The following EIF2D variants were observed in gnomAD, a reference collection of about 807,000 sequenced individuals.
EIF2D encodes eukaryotic translation initiation factor 2D.
A neutral mutation model predicts 77.4 loss-of-function variants in EIF2D; 56 were observed. The observed-to-expected ratio is 0.72, with a 90% CI of 0.58 to 0.90. The LOEUF is 0.90. Among genes scored for constraint, EIF2D ranks in the 40% least tolerant of loss-of-function variants. The pLI is 0.00. For missense variants in EIF2D, 574 were observed against 706.5 expected (o/e 0.81, Z 2.13); for synonymous variants, 230 against 271.0 (o/e 0.85, Z 1.49).
rs1572420653 is a variant in EIF2D at position 206,612,229 on chromosome 1, C to G, written c.56+58G>C. On this transcript the variant is annotated intron_variant, in intron 1 of 14. Transcript: ENST00000271764. ...AAGAATAGCGAGGGCTATGGGCCAG[C>G]GGGGCCCAAGAGGTGTCTGGTTGTT... 2.5e-6 allele frequency: 4 copies of G among 1,602,816 alleles called. No homozygotes were observed. The East Asian group carries it at 6.7e-5, about 27-fold the overall frequency.
At chr1:206,596,612 C>A (rs1341684297) in intron 12 of EIF2D, among the ~76,000 whole-genome samples, 1 of 152,120 alleles carries the variant, frequency 6.6e-6, no homozygotes, top group Admixed American at 6.5e-5. Context: ...TTTTCCCCAG[C>A]CTTCTTTTGC....
Position 206,579,654 on chromosome 1 carries a change from C to A in EIF2D, c.*254+1038G>T, listed in dbSNP as rs1274724666. On this transcript the variant is annotated intron_variant and NMD_transcript_variant, in intron 4 of 5. Coordinates refer to the EIF2D transcript ENST00000472709. This position sits in a 1 kb window ranked among gnomAD's most constrained non-coding sequence, Gnocchi z 4.2. ...GAATGTTGCTGCGAATTAAAATCAACTAGGAGATTTTTAAAATTCCCATGC... is the reference window on the plus strand; with the variant it reads ...GAATGTTGCTGCGAATTAAAATCAAATAGGAGATTTTTAAAATTCCCATGC... Among the ~76,000 whole-genome samples, 1 of 151,382 alleles carries A rather than the reference C, an allele frequency of 6.6e-6. No individual in the cohort carries two copies. Among genetic ancestry groups the A allele is most frequent in the Non-Finnish European group, 1.5e-5 (1 of 68,034 alleles).
intron 3 of EIF2D, among the ~76,000 whole-genome samples, chr1:206,609,061 A>T (rs963012507): frequency 4.6e-5 from 7 of 152,132 alleles, no homozygotes; most frequent in African/African-American, 1.7e-4. Flanking sequence ...CAAAAAAAAA[A>T]AAATAAAAAA....
chr1:206,593,504 A>AGTGTGTGTGTGTGCGTGT (rs1476375070), intron 14 of EIF2D, 115 bp downstream of exon 14: 8 of 405,016 alleles, frequency 2.0e-5, no homozygotes, highest in African/African-American at 4.5e-5. Flanking sequence ...AGAGAGAGAG[A>AGTGTGTGTGTGTGCGTGT]GAGAGTGTGT....
chr1:206,578,216 A>C (rs1668727768), intron 4 of EIF2D, among the ~76,000 whole-genome samples: 1 of 113,354 alleles, frequency 8.8e-6, no homozygotes. Flanking sequence ...ACAGAGGGAG[A>C]CATCTCAAAA....
At chr1:206,576,231 G>A (rs972382222) in intron 4 of EIF2D, among the ~76,000 whole-genome samples, 1 of 152,228 alleles carries the variant, frequency 6.6e-6, no homozygotes, top group Non-Finnish European at 1.5e-5. Flanking sequence ...GGCTCTTGCA[G>A]TATGGATTTA....
rs1034476855 is a variant in EIF2D, at chr1:206,579,402, G to A, written c.*254+1290C>T. On this transcript the variant is annotated intron_variant and NMD_transcript_variant, in intron 4 of 5. Transcript: ENST00000472709. This position sits in a 1 kb window ranked among gnomAD's most constrained non-coding sequence, Gnocchi z 4.2. The stretch of plus-strand genomic sequence containing the variant: ...CTGCTTGGTTTCTCGCTTTGTACCC[G>A]TGGACAGATCCTTAAGAATCTGGCA... Among the ~76,000 whole-genome samples, 2 of 152,188 alleles carry A rather than the reference G, an allele frequency of 1.3e-5. No homozygotes were observed. Among genetic ancestry groups the A allele is most frequent in the Admixed American group, 1.3e-4 (2 of 15,278 alleles).
intron 2 of EIF2D, among the ~76,000 whole-genome samples, chr1:206,610,143 T>C (rs750113767): frequency 6.6e-6 from 1 of 152,210 alleles, no homozygotes; most frequent in African/African-American, 2.4e-5. Flanking sequence ...CAGCTGGATA[T>C]GTAGCTTATC....
At position 206,600,782 on chromosome 1, in the gene EIF2D, G is replaced by A. The variant is rs528849909; in HGVS notation, c.903-474C>T. ...CACTGTGGGCAGCCAGGCCTGGAGT[G>A]GGGCCCAGCAAGCCGCATCCTGGGG... is the stretch of plus-strand genomic sequence containing the variant. On this transcript the variant is annotated intron_variant, in intron 7 of 14. Transcript: ENST00000271764. 12 of 155,606 alleles carry A rather than the reference G, an allele frequency of 7.7e-5. No individual in the cohort carries two copies. In the South Asian group the frequency reaches 2.4e-3, roughly 30 times the overall value. The allele number at this position is 155,606 out of a possible 1,614,324, so 9.6% of individuals were successfully genotyped here.
chr1:206,597,115 T>A lies in EIF2D; in HGVS notation c.1373A>T (p.Asp458Val). 1.2e-6 allele frequency: 2 copies of A among 1,613,944 alleles called. No individual in the cohort carries two copies. Among genetic ancestry groups the A allele is most frequent in the Non-Finnish European group, 1.7e-6 (2 of 1,179,872 alleles). Reference protein sequence around the residue: ...EQHTVMKLPWDSLLTRCLEKL... With the variant: ...EQHTVMKLPWVSLLTRCLEKL... Reference sequence around the variant, plus strand: ...TGCTCGTTACCTGGTCAGAAGACTGTCCCATGGAAGCTTCATGACTGTATG... The same window carrying A: ...TGCTCGTTACCTGGTCAGAAGACTGACCCATGGAAGCTTCATGACTGTATG... The change falls in exon 12 of 15, where the codon GAC (aspartate) becomes GTC (valine). Residue 458 changes from aspartate (D) to valine (V), a missense_variant. By Grantham distance (152) the Asp-to-Val change is radical. Coordinates refer to ENST00000271764, the MANE Select transcript of EIF2D (RefSeq NM_006893.3).
At position 206,584,742 on chromosome 1, in the gene EIF2D, C is replaced by T. The variant is rs1423861260; in HGVS notation, c.139-3580G>A. 1.3e-6 allele frequency: 2 copies of T among 1,584,208 alleles called. No individual in the cohort carries two copies. Among genetic ancestry groups the T allele is most frequent in the Admixed American group, 1.7e-5 (1 of 57,874 alleles). On this transcript the variant is annotated intron_variant and NMD_transcript_variant, in intron 2 of 5. Coordinates refer to the EIF2D transcript ENST00000472709. This position sits in a 1 kb window ranked among gnomAD's most constrained non-coding sequence, Gnocchi z 4.9. ...CCCTTCCTACCTGTGTCCAAGCCCA[C>T]CCACTAAAACTCCTGCCGGCCTTGG...
chr1:206,578,337 G>A (rs1553405591), intron 4 of EIF2D, among the ~76,000 whole-genome samples: 1 of 151,466 alleles, frequency 6.6e-6, no homozygotes. Flanking sequence ...CCTTCCTGTG[G>A]CTCACTTTCC....
chr1:206,612,415 C>A lies in EIF2D; in HGVS notation c.-73G>T. ...CAAGAAAGCGAGGGCGCAGCAGCTG[C>A]CAGGCCCTCAGCCGTGGGGGCAGCC... On this transcript the variant is annotated 5_prime_UTR_variant, in exon 1 of 15. Transcript: ENST00000271764. 6.3e-7 allele frequency: 1 copy of A among 1,596,262 alleles called. No individual in the cohort carries two copies. Among genetic ancestry groups the A allele is most frequent in the South Asian group, 1.1e-5 (1 of 90,710 alleles).
Position 206,585,385 on chromosome 1 carries a change from G to T in EIF2D, c.139-4223C>A, listed in dbSNP as rs1004425835. On this transcript the variant is annotated intron_variant and NMD_transcript_variant, in intron 2 of 5. Transcript: ENST00000472709. ...TGTCCTAACTACCTCACATAGGTGGGAGCCACGCAGCACGGGCAGGAAGGT... is the reference window on the plus strand; with the variant it reads ...TGTCCTAACTACCTCACATAGGTGGTAGCCACGCAGCACGGGCAGGAAGGT... 4.9e-5 allele frequency: 44 copies of T among 896,674 alleles called. No homozygotes were observed. The African/African-American group carries it at 5.1e-4, about 10-fold the overall frequency. The allele number at this position is 896,674 out of a possible 1,614,324, so 55.5% of individuals were successfully genotyped here.
intron 2 of EIF2D, chr1:206,586,529 C>G: frequency 3.6e-6 from 1 of 279,762 alleles, no homozygotes; most frequent in Non-Finnish European, 6.9e-6. Context: ...GTTCCAGCAT[C>G]ACTGTCAAGA....
chr1:206,598,811 G>A lies in EIF2D; in HGVS notation c.1292+192C>T, dbSNP rs550633970. Among the ~76,000 whole-genome samples, 50 of 148,800 alleles carry A rather than the reference G, an allele frequency of 3.4e-4. 1 individual carries two copies. The South Asian group carries it at 3.9e-3, about 12-fold the overall frequency. The stretch of plus-strand genomic sequence containing the variant: ...ACTTAGTCGGTAGTCAATGTTGATC[G>A]TATACATGGATCTGAACACCCCAGA... On this transcript the variant is annotated intron_variant, in intron 11 of 14. Transcript: ENST00000271764.
At chr1:206,610,607 T>C (rs1305720366) in intron 2 of EIF2D, among the ~76,000 whole-genome samples, 1 of 152,114 alleles carries the variant, frequency 6.6e-6, no homozygotes, top group Non-Finnish European at 1.5e-5. Context: ...GATCATGAGG[T>C]CAGGAGATCA....
intron 1 of EIF2D, 29 bp downstream of exon 1, chr1:206,612,258 T>C (rs782051992): frequency 6.8e-6 from 11 of 1,614,014 alleles, no homozygotes; most frequent in African/African-American, 2.7e-5. Context: ...GGTTGTTCCG[T>C]GGCAGAGCAG....
intron 4 of EIF2D, among the ~76,000 whole-genome samples, chr1:206,574,936 T>C (rs1668582314): frequency 6.8e-6 from 1 of 146,682 alleles, no homozygotes; most frequent in Non-Finnish European, 1.5e-5. Context: ...CTTGGCTCAA[T>C]GCAACCTCTG....
Sources: gnomAD v4.1 joint callset for allele counts (sites outside exome capture counted in the v4.1 genomes callset) on GRCh38, gnomAD v4.1.1 for gene constraint, Gnocchi (gnomAD v3.1) non-coding constraint, MANE v1.5 for transcripts, NCBI Gene and HGNC (gene_info 2026-07-23, HGNC 2026-07-21) for gene names.